Variants in TUBB3 observed in about 807,000 individuals in gnomAD.
The protein encoded by TUBB3 is tubulin beta 3 class III.
In TUBB3, 17 loss-of-function variants were observed where a neutral mutation model predicts 37.8. The ratio of observed to expected loss-of-function variants is 0.45; its 90% confidence interval spans 0.31 to 0.67. The LOEUF is 0.67. TUBB3 is among the 30% of genes least tolerant of loss of function. The pLI is 0.07. For missense variants in TUBB3, 262 were observed against 657.9 expected, an observed-to-expected ratio of 0.40 and a Z score of 6.58; for synonymous variants, 332 against 278.9, an observed-to-expected ratio of 1.19 and a Z score of -1.90.
At chr16:89,923,985 C>T (rs999053181) in intron 1 of TUBB3, among the ~76,000 whole-genome samples, 1 of 152,178 alleles carries the variant, frequency 6.6e-6, no homozygotes, top group Non-Finnish European at 1.5e-5. Flanking sequence ...CGTCCTAGCT[C>T]CACCCTGTCC....
At chr16:89,928,185 G>T (rs755064600) in intron 1 of TUBB3, among the ~76,000 whole-genome samples, 3 of 152,048 alleles carry the variant, frequency 2.0e-5, no homozygotes, top group Non-Finnish European at 2.9e-5. Flanking sequence ...CTCCTGAGTA[G>T]CTGGGGCTAT....
At chr16:89,930,133 C>G (rs796942766) in intron 1 of TUBB3, among the ~76,000 whole-genome samples, 6 of 150,562 alleles carry the variant, frequency 4.0e-5, no homozygotes, top group South Asian at 2.1e-4. Flanking sequence ...TTCTGACAGT[C>G]TCGCACTATT....
intron 1 of TUBB3, among the ~76,000 whole-genome samples, chr16:89,927,103 G>A (rs571455201): frequency 2.6e-4 from 40 of 151,936 alleles, no homozygotes; most frequent in Middle Eastern, 6.8e-3. Context: ...GGCCAGGTGC[G>A]GTGGCTCACA....
chr16:89,931,212 C>A (rs905685620), intron 1 of TUBB3, among the ~76,000 whole-genome samples: 1 of 152,226 alleles, frequency 6.6e-6, no homozygotes, highest in African/African-American at 2.4e-5. Flanking sequence ...CCCACGTCAG[C>A]CTCCCAAAGT....
At chr16:89,931,968 G>C in intron 1 of TUBB3, 1 of 301,154 alleles carries the variant, frequency 3.3e-6, no homozygotes, top group South Asian at 2.6e-5. Context: ...GGGACCCCAA[G>C]GACCCTTCTG....
At chr16:89,927,028 C>A (rs1229784590) in intron 1 of TUBB3, among the ~76,000 whole-genome samples, 2 of 151,946 alleles carry the variant, frequency 1.3e-5, no homozygotes, top group African/African-American at 4.8e-5. Context: ...ATTTCCTTTT[C>A]TGTAGTGATG....
At chr16:89,923,727 C>T (rs1052655766) in intron 1 of TUBB3, among the ~76,000 whole-genome samples, 6 of 152,166 alleles carry the variant, frequency 3.9e-5, no homozygotes, top group African/African-American at 1.2e-4. Context: ...TGCGCCCCCT[C>T]CACACCTGCA....
chr16:89,933,764 A>G lies in TUBB3; in HGVS notation c.277+186A>G, dbSNP rs753622277. The G allele has an allele frequency of 8.9e-5, 63 of 708,566 alleles. 1 individual carries two copies. The South Asian group carries it at 9.0e-4, about 10-fold the overall frequency. 43.9% of individuals were successfully genotyped at this position (708,566 alleles called of 1,614,324 possible). On this transcript the variant is annotated intron_variant, in intron 3 of 3. Coordinates refer to ENST00000315491, the MANE Select transcript of TUBB3 (RefSeq NM_006086.4). ...CCAGAGAAAGGGTTCTGTGGGGAGA[A>G]CAGAAACCACTCATGCATTTCAAGT...
intron 2 of TUBB3, chr16:89,933,028 T>C (rs2030329134): frequency 1.7e-5 from 8 of 471,208 alleles, no homozygotes; most frequent in South Asian, 1.6e-4. Context: ...CTTTAGCAAC[T>C]GGTGTGAAGT....
chr16:89,933,127 T>C, intron 2 of TUBB3: 2 of 579,790 alleles, frequency 3.4e-6, no homozygotes, highest in Non-Finnish European at 6.4e-6. Context: ...ACAGTCTCGA[T>C]ATGTTGCCCA....
chr16:89,933,073 C>T (rs2030330211), intron 2 of TUBB3: 2 of 474,612 alleles, frequency 4.2e-6, no homozygotes, highest in South Asian at 1.9e-5. Context: ...CACCCACCTG[C>T]CCACATGGAC....
chr16:89,929,946 T>C (rs7204569), intron 1 of TUBB3, among the ~76,000 whole-genome samples: 90,449 of 151,622 alleles, frequency 0.6, 29,482 homozygotes, highest in East Asian at 0.91. Flanking sequence ...GATGATCCAC[T>C]GCCTCAGCCT....
intron 1 of TUBB3, among the ~76,000 whole-genome samples, chr16:89,929,038 C>T (rs1353237858): frequency 6.7e-6 from 1 of 150,138 alleles, no homozygotes. Flanking sequence ...TCTCAGCTCA[C>T]TGCAACCTCT....
intron 1 of TUBB3, among the ~76,000 whole-genome samples, chr16:89,924,766 C>T (rs2030015326): frequency 6.6e-6 from 1 of 152,176 alleles, no homozygotes; most frequent in East Asian, 1.9e-4. Context: ...CTGTGCCTGC[C>T]AAGGAGAGCC....
rs770275598 is a variant in TUBB3, at chr16:89,935,708, G to T, written c.1257G>T (p.Val419=). The change falls in exon 4 of 4, where the codon GTG becomes GTT. Residue 419 remains valine (V), a synonymous_variant. Transcript: ENST00000315491. ...TEAESNMNDL[V]SEYQQYQDAT... The stretch of plus-strand genomic sequence containing the variant: ...CCGAGAGCAACATGAACGACCTGGT[G>T]TCCGAGTACCAGCAGTACCAGGACG... 12 of 1,613,936 alleles carry T rather than the reference G, an allele frequency of 7.4e-6. No individual in the cohort carries two copies. The highest frequency in any genetic ancestry group is 4.5e-5 in the East Asian group (2 of 44,882).
At chr16:89,932,535 C>T in intron 1 of TUBB3, 36 bp from the exon 2 acceptor site, 1 of 1,568,434 alleles carries the variant, frequency 6.4e-7, no homozygotes, top group Non-Finnish European at 8.8e-7. Flanking sequence ...GGGCTATGGG[C>T]CGGTGCCGAC....
chr16:89,934,961 G>C lies in TUBB3; in HGVS notation c.510G>C (p.Val170=), dbSNP rs1157702742. ...PDRIMNTFSV[V]PSPKVSDTVV... is the part of the protein sequence containing the mutation. ...GCATCATGAACACCTTCAGCGTCGT[G>C]CCCTCACCCAAGGTGTCAGACACGG... The change falls in exon 4 of 4, where the codon GTG becomes GTC. Residue 170 remains valine, a synonymous_variant. Transcript: ENST00000315491. The C allele has an allele frequency of 1.9e-6, 3 of 1,614,200 alleles. No homozygotes were observed. Among genetic ancestry groups the C allele is most frequent in the Non-Finnish European group, 2.5e-6 (3 of 1,180,034 alleles).
intron 1 of TUBB3, among the ~76,000 whole-genome samples, chr16:89,930,963 G>T (rs867251522): frequency 3.9e-5 from 6 of 151,988 alleles, no homozygotes; most frequent in Middle Eastern, 3.2e-3. Flanking sequence ...GAGTAGCTGG[G>T]ACTACAGGCA....
chr16:89,923,426 G>T lies in TUBB3; in HGVS notation c.25G>T (p.Ala9Ser). 6.6e-7 allele frequency: 1 copy of T among 1,512,420 alleles called. No homozygotes were observed. Among genetic ancestry groups the T allele is most frequent in the African/African-American group, 1.4e-5 (1 of 69,032 alleles). 93.7% of individuals were successfully genotyped at this position (1,512,420 alleles called of 1,614,324 possible). A position where few individuals can be genotyped will look rare whatever the true frequency, so the allele number is the denominator to read the frequency against. Residue 9 changes from alanine (A) to serine (S), a missense_variant, in exon 1 of 4, where the codon GCC becomes TCC. Coordinates refer to ENST00000315491, the MANE Select transcript of TUBB3 (RefSeq NM_006086.4). ...TATGAGGGAGATCGTGCACATCCAG[G>T]CCGGCCAGTGCGGCAACCAGATCGG... MREIVHIQAGQCGNQIGAK... is the reference protein window; with the variant it reads MREIVHIQSGQCGNQIGAK...
Sources: allele counts gnomAD v4.1 joint callset (sites outside exome capture counted in the v4.1 genomes callset), GRCh38; gene constraint gnomAD v4.1.1; transcripts MANE v1.5; gene names NCBI Gene and HGNC (gene_info 2026-07-23, HGNC 2026-07-21).